The following RPSA variants were observed in gnomAD, a reference collection of about 807,000 sequenced individuals.
RPSA encodes ribosomal protein SA.
For missense variants in RPSA, 140 were observed against 372.8 expected, an observed-to-expected ratio of 0.38 and a Z score of 5.14; for synonymous variants, 103 against 126.7, an observed-to-expected ratio of 0.81 and a Z score of 1.25.
chr3:39,411,478 C>A, intron 4 of RPSA, 171 bp from the exon 5 acceptor site: 1 of 677,408 alleles, frequency 1.5e-6, no homozygotes, highest in Non-Finnish European at 2.5e-6. Flanking sequence ...CCTATGATTC[C>A]AGTGTGCAGA....
chr3:39,406,834 G>A (rs749815271), intron 1 of RPSA, 70 bp downstream of exon 1: 33 of 456,070 alleles, frequency 7.2e-5, no homozygotes, highest in Non-Finnish European at 1.3e-4. Context: ...TCAAATGAAG[G>A]GTGAGAAGAC....
intron 1 of RPSA, 164 bp downstream of exon 1, chr3:39,406,928 C>T (rs3772145): frequency 0.042 from 19,197 of 453,734 alleles, 611 homozygotes; most frequent in African/African-American, 0.11. Flanking sequence ...TGGCCAGGCT[C>T]GGGCTGGCGG....
chr3:39,409,084 CAAAA>C (rs752029969), intron 3 of RPSA: 7 of 78,456 alleles, frequency 8.9e-5, no homozygotes, highest in East Asian at 3.8e-4. Flanking sequence ...GACTCTGTCT[CAAAA>C]AAAAAAAAAA....
intron 1 of RPSA, among the ~76,000 whole-genome samples, chr3:39,407,343 A>G (rs1012239554): frequency 1.6e-4 from 24 of 152,080 alleles, no homozygotes; most frequent in African/African-American, 5.3e-4. Context: ...CGCATCCACA[A>G]CTTTTCCTTA....
intron 1 of RPSA, chr3:39,406,994 C>G (rs1281664537): frequency 6.6e-6 from 3 of 452,138 alleles, no homozygotes; most frequent in East Asian, 7.0e-5. Context: ...AGGCTCCGAG[C>G]TGGGGTTCGG....
At chr3:39,408,976 CTCAGG>C in intron 3 of RPSA, 5 of 422,566 alleles carry the variant, frequency 1.2e-5, no homozygotes, top group Non-Finnish European at 2.2e-5. Context: ...GTCCCAGCTA[CTCAGG>C]AGGCCAAAGT....
intron 6 of RPSA, 85 bp from the exon 7 acceptor site, chr3:39,412,189 T>C: frequency 7.7e-7 from 1 of 1,300,024 alleles, no homozygotes; most frequent in Non-Finnish European, 1.1e-6. Flanking sequence ...CTACAGCATC[T>C]GATAGACTGC....
intron 1 of RPSA, 71 bp from the exon 2 acceptor site, chr3:39,407,550 T>C: frequency 9.0e-7 from 1 of 1,112,180 alleles, no homozygotes. Flanking sequence ...ATGGAGTTTT[T>C]GGTTGCTTTT....
In RPSA at chr3:39,406,902, G is replaced by C. The variant is rs376625846; in HGVS notation, c.-34+138G>C. On this transcript the variant is annotated intron_variant, in intron 1 of 6. Coordinates refer to ENST00000301821, the MANE Select transcript of RPSA (RefSeq NM_002295.6). ...TCCCGCCCGGCGCGCCCCACCTTAGGCCTGCGGCCCGCACGTGGCCAGGCT... is the reference window on the plus strand; with the variant it reads ...TCCCGCCCGGCGCGCCCCACCTTAGCCCTGCGGCCCGCACGTGGCCAGGCT... 132 of 455,942 alleles carry C rather than the reference G, an allele frequency of 2.9e-4. 1 individual carries two copies. The East Asian group carries it at 8.8e-3, about 30-fold the overall frequency. The allele number at this position is 455,942 out of a possible 1,614,324, so 28.2% of individuals were successfully genotyped here.
At chr3:39,409,207 T>TC (rs2041968563) in intron 3 of RPSA, among the ~76,000 whole-genome samples, 2 of 116,242 alleles carry the variant, frequency 1.7e-5, no homozygotes, top group African/African-American at 5.6e-5. Flanking sequence ...TTTTTTTTTT[T>TC]CCTTCAAGAC....
At position 39,407,474 on chromosome 3, in the gene RPSA, A is replaced by C. The variant is rs571227919; in HGVS notation, c.-33-147A>C. The C allele has an allele frequency of 2.8e-4, 201 of 710,668 alleles. No homozygotes were observed. The African/African-American group carries it at 3.3e-3, about 12-fold the overall frequency. 44.0% of individuals were successfully genotyped at this position (710,668 alleles called of 1,614,324 possible). ...TGTGCGCTGTTCCGTAATACACGAC[A>C]TGTATGGGTTAACTTTCTGTTTACC... On this transcript the variant is annotated intron_variant, in intron 1 of 6. Coordinates refer to ENST00000301821, the MANE Select transcript of RPSA (RefSeq NM_002295.6).
chr3:39,408,227 G>A lies in RPSA; in HGVS notation c.134-379G>A, dbSNP rs888546422. 3 of 402,020 alleles carry A rather than the reference G, an allele frequency of 7.5e-6. No homozygotes were observed. In the Admixed American group the frequency reaches 1.1e-4, roughly 15 times the overall value. 24.9% of individuals were successfully genotyped at this position (402,020 alleles called of 1,614,324 possible). A position where few individuals can be genotyped will look rare whatever the true frequency, so the allele number is the denominator to read the frequency against. On this transcript the variant is annotated intron_variant, in intron 2 of 6. Coordinates refer to ENST00000301821, the MANE Select transcript of RPSA (RefSeq NM_002295.6). ...TAGAGATAAAGCTACCAAGGACTTG[G>A]GAGTGACATGCTGTAAAGGAGTTTT...
At chr3:39,408,979 A>G (rs71325530) in intron 3 of RPSA, 112,178 of 399,876 alleles carry the variant, frequency 0.28, 17,358 homozygotes, top group Non-Finnish European at 0.31. Flanking sequence ...CCAGCTACTC[A>G]GGAGGCCAAA....
intron 2 of RPSA, chr3:39,408,402 A>C (rs1176828827): frequency 1.3e-6 from 1 of 755,144 alleles, no homozygotes; most frequent in Non-Finnish European, 2.5e-6. Context: ...GCACACTATT[A>C]AAGCTCAGGG....
At chr3:39,411,107 C>A (rs765876601) in intron 4 of RPSA, 108 bp downstream of exon 4, 2 of 1,393,902 alleles carry the variant, frequency 1.4e-6, no homozygotes, top group African/African-American at 1.4e-5. Flanking sequence ...GATGAACTCG[C>A]AAGTGTAGGT....
At chr3:39,410,641 T>A in intron 3 of RPSA, 113 bp from the exon 4 acceptor site, 2 of 1,204,014 alleles carry the variant, frequency 1.7e-6, no homozygotes, top group South Asian at 1.2e-5. Flanking sequence ...GGTATGTGCC[T>A]GCTTTACATG....
In RPSA at chr3:39,412,451, T is replaced by C; in HGVS notation, c.*83T>C. On this transcript the variant is annotated 3_prime_UTR_variant, in exon 7 of 7. Transcript: ENST00000301821. ...TCAGTTTCTAAAAGTTGTCTTCATT[T>C]AGTTTGCTTTTTACTCCAGATCAGA... The C allele has an allele frequency of 4.9e-6, 4 of 811,008 alleles. No homozygotes were observed. Among genetic ancestry groups the C allele is most frequent in the South Asian group, 4.8e-5 (3 of 63,022 alleles). 50.2% of individuals were successfully genotyped at this position (811,008 alleles called of 1,614,324 possible). A position where few individuals can be genotyped will look rare whatever the true frequency, so the allele number is the denominator to read the frequency against.
chr3:39,411,180 A>G (rs757284120), intron 4 of RPSA, 181 bp downstream of exon 4: 13 of 775,706 alleles, frequency 1.7e-5, no homozygotes, highest in Non-Finnish European at 2.6e-5. Flanking sequence ...CAATGAGTGG[A>G]GTTTGATAGT....
In RPSA at chr3:39,410,620, A is replaced by G. The variant is rs2041992328; in HGVS notation, c.253-134A>G. Reference sequence around the variant, plus strand: ...AATCTCTGGAGAAGTAAGAGAGGTTAAGGAAAGCTGGGTATGTGCCTGCTT... The same window carrying G: ...AATCTCTGGAGAAGTAAGAGAGGTTGAGGAAAGCTGGGTATGTGCCTGCTT... On this transcript the variant is annotated intron_variant, in intron 3 of 6. Coordinates refer to ENST00000301821, the MANE Select transcript of RPSA (RefSeq NM_002295.6). 5.0e-6 allele frequency: 5 copies of G among 1,004,068 alleles called. No individual in the cohort carries two copies. In the South Asian group the frequency reaches 6.7e-5, roughly 13 times the overall value. The allele number at this position is 1,004,068 out of a possible 1,614,324, so 62.2% of individuals were successfully genotyped here.
Sources: gnomAD v4.1 joint callset for allele counts (sites outside exome capture counted in the v4.1 genomes callset) on GRCh38, gnomAD v4.1.1 for gene constraint, MANE v1.5 for transcripts, NCBI Gene and HGNC (gene_info 2026-07-23, HGNC 2026-07-21) for gene names.